The following AFF3 variants were observed in gnomAD, a reference collection of about 807,000 sequenced individuals.
AFF3 encodes the protein ALF transcription elongation factor 3.
In AFF3, 32 loss-of-function variants were observed where a neutral mutation model predicts 129.7. The observed-to-expected ratio is 0.25, with a 90% CI of 0.19 to 0.33. AFF3 has a LOEUF of 0.33. Among genes scored for constraint, AFF3 ranks in the 10% least tolerant of loss-of-function variants. AFF3 has a pLI of 1.00. For synonymous variants in AFF3, 644 were observed against 635.4 expected (o/e 1.01, Z -0.20); for missense variants, 1,373 against 1,592.0 (o/e 0.86, Z 2.34).
intron 8 of AFF3, among the ~76,000 whole-genome samples, chr2:99,832,963 A>C (rs1004181375): frequency 6.6e-6 from 1 of 152,226 alleles, no homozygotes; most frequent in African/African-American, 2.4e-5. Context: ...TAGAAAAAAA[A>C]GCCTGCCTGG....
At chr2:99,976,164 A>C (rs1221327820) in intron 7 of AFF3, among the ~76,000 whole-genome samples, 3 of 152,228 alleles carry the variant, frequency 2.0e-5, no homozygotes, top group Admixed American at 6.5e-5. Context: ...GAAATGAAAA[A>C]GTATTTTCAA....
chr2:99,907,375 A>C (rs1694789608), intron 7 of AFF3, among the ~76,000 whole-genome samples: 1 of 152,194 alleles, frequency 6.6e-6, no homozygotes, highest in Admixed American at 6.5e-5. Flanking sequence ...GCAAGATTAA[A>C]GTGAAGTAAT....
chr2:99,886,134 G>A (rs569147363), intron 7 of AFF3, among the ~76,000 whole-genome samples: 32 of 152,220 alleles, frequency 2.1e-4, no homozygotes, highest in African/African-American at 7.0e-4. Context: ...AATATACCTC[G>A]TATGTACCCT....
chr2:99,795,151 A>G (rs1400480065), intron 8 of AFF3, among the ~76,000 whole-genome samples: 1 of 152,178 alleles, frequency 6.6e-6, no homozygotes, highest in African/African-American at 2.4e-5. Context: ...ATGATTGGAC[A>G]GAGAAAAAGT....
At chr2:99,572,569 C>T (rs1366981825) in intron 18 of AFF3, 9 of 455,174 alleles carry the variant, frequency 2.0e-5, no homozygotes, top group Non-Finnish European at 2.6e-5. Flanking sequence ...ACAAGTTCCT[C>T]GGCGCGGCAG....
chr2:99,730,750 T>C (rs1357368807), intron 10 of AFF3, among the ~76,000 whole-genome samples: 2 of 151,878 alleles, frequency 1.3e-5, no homozygotes, highest in African/African-American at 4.8e-5. Context: ...CCTGACCTTG[T>C]GATCTGCCTG....
At chr2:99,772,829 A>T (rs1405091662) in intron 8 of AFF3, among the ~76,000 whole-genome samples, 1 of 152,232 alleles carries the variant, frequency 6.6e-6, no homozygotes, top group Non-Finnish European at 1.5e-5. Context: ...AAGGCCGTCA[A>T]TCCTGACACC....
At chr2:99,877,966 C>T (rs1015585190) in intron 7 of AFF3, among the ~76,000 whole-genome samples, 1 of 152,136 alleles carries the variant, frequency 6.6e-6, no homozygotes, top group African/African-American at 2.4e-5. Context: ...AATCAAATCA[C>T]TCTATTATTA....
At chr2:100,040,639 C>T (rs1685343609) in intron 4 of AFF3, among the ~76,000 whole-genome samples, 1 of 152,186 alleles carries the variant, frequency 6.6e-6, no homozygotes, top group South Asian at 2.1e-4. Flanking sequence ...CCTATGAGAG[C>T]AAGGCAGAAC....
intron 8 of AFF3, among the ~76,000 whole-genome samples, chr2:99,763,122 C>T (rs1246169092): frequency 6.6e-6 from 1 of 152,244 alleles, no homozygotes; most frequent in Admixed American, 6.5e-5. Flanking sequence ...GTGGGAGACA[C>T]ATATTCCTCC....
intron 7 of AFF3, among the ~76,000 whole-genome samples, chr2:99,895,643 T>A (rs1009243970): frequency 6.6e-6 from 1 of 151,960 alleles, no homozygotes; most frequent in African/African-American, 2.4e-5. Context: ...GCGTCCGGGC[T>A]ATGCTCTCCA....
intron 7 of AFF3, among the ~76,000 whole-genome samples, chr2:99,853,722 G>A (rs891082580): frequency 3.9e-5 from 6 of 152,302 alleles, no homozygotes; most frequent in African/African-American, 1.4e-4. Flanking sequence ...TGGGAGCCAC[G>A]TCTGTGCTCT....
At chr2:99,687,921 C>T (rs973896464) in intron 11 of AFF3, among the ~76,000 whole-genome samples, 5 of 152,152 alleles carry the variant, frequency 3.3e-5, no homozygotes, top group African/African-American at 1.2e-4. Context: ...CAGCTTACTG[C>T]GACCTCCGCC....
intron 11 of AFF3, among the ~76,000 whole-genome samples, chr2:99,712,274 G>A (rs528983402): frequency 2.0e-5 from 3 of 152,202 alleles, no homozygotes; most frequent in East Asian, 1.9e-4. Context: ...TATTCTAGTC[G>A]CCTCTTGGCA....
At chr2:99,693,729 A>G (rs970051762) in intron 11 of AFF3, among the ~76,000 whole-genome samples, 2 of 152,188 alleles carry the variant, frequency 1.3e-5, no homozygotes, top group Admixed American at 1.3e-4. Flanking sequence ...AATGTCATTA[A>G]AATCTTTTTT....
At chr2:100,092,093 CT>C (rs1215884867) in intron 4 of AFF3, among the ~76,000 whole-genome samples, 1 of 152,054 alleles carries the variant, frequency 6.6e-6, no homozygotes, top group Non-Finnish European at 1.5e-5. Flanking sequence ...CCATCCTGAC[CT>C]TTTCCCTAAA....
chr2:100,066,357 G>A (rs1687715320), intron 4 of AFF3, among the ~76,000 whole-genome samples: 1 of 152,132 alleles, frequency 6.6e-6, no homozygotes, highest in African/African-American at 2.4e-5. Flanking sequence ...AATATCTATA[G>A]ACATTTGGTA....
chr2:99,790,246 A>G (rs1003518194), intron 8 of AFF3, among the ~76,000 whole-genome samples: 1 of 152,258 alleles, frequency 6.6e-6, no homozygotes, highest in Admixed American at 6.5e-5. Context: ...AGTAAGTGCT[A>G]TAAGGACATC....
At chr2:99,919,938 A>G (rs1309854223) in intron 7 of AFF3, among the ~76,000 whole-genome samples, 1 of 152,158 alleles carries the variant, frequency 6.6e-6, no homozygotes, top group Non-Finnish European at 1.5e-5. Context: ...TGTTGTGAAC[A>G]GCATTATGCC....
Sources: gnomAD v4.1 joint callset for allele counts (sites outside exome capture counted in the v4.1 genomes callset) on GRCh38, gnomAD v4.1.1 for gene constraint, MANE v1.5 for transcripts, NCBI Gene and HGNC (gene_info 2026-07-23, HGNC 2026-07-21) for gene names.